Variants in IGF2R observed in about 807,000 individuals in gnomAD.
IGF2R encodes the protein insulin like growth factor 2 receptor, also known as cation-independent mannose-6-phosphate receptor.
Under a neutral mutation model 270.6 loss-of-function variants are expected in IGF2R, and 91 were observed. That is an observed-to-expected ratio of 0.34 (90% confidence interval 0.28 to 0.40). The LOEUF (loss-of-function observed/expected upper bound fraction) is 0.40, where lower values mean the gene tolerates loss of function less well. Ranked by LOEUF, IGF2R falls within the 10% of genes least tolerant of loss-of-function variation. IGF2R has a pLI of 1.00. For missense variants in IGF2R, 2,805 were observed against 3,188.3 expected, an observed-to-expected ratio of 0.88 and a Z score of 2.90; for synonymous variants, 1,316 against 1,258.9, an observed-to-expected ratio of 1.05 and a Z score of -0.96.
At chr6:160,054,584 T>C in intron 19 of IGF2R, among the ~76,000 whole-genome samples, 1 of 152,094 alleles carries the variant, frequency 6.6e-6, no homozygotes, top group East Asian at 1.9e-4. Context: ...GAAAGCCTAG[T>C]GGTTAACGAG....
chr6:160,088,104 G>A lies in IGF2R; in HGVS notation c.6277G>A (p.Glu2093Lys). The A allele has an allele frequency of 6.2e-7, 1 of 1,614,002 alleles. No individual in the cohort carries two copies. Among genetic ancestry groups the A allele is most frequent in the Non-Finnish European group, 8.5e-7 (1 of 1,179,836 alleles). The change falls in exon 42 of 48, where the codon GAA (glutamate) becomes AAA (lysine). Residue 2093 changes from glutamate (E) to lysine (K), a missense_variant. Coordinates refer to ENST00000356956, the MANE Select transcript of IGF2R (RefSeq NM_000876.4). Reference protein sequence around the residue: ...GGNKTASSVIELTCTKTVGRP... With the variant: ...GGNKTASSVIKLTCTKTVGRP... ...AAATAAGACCGCATCCTCCGTGATAGAATTGACCTGTACAAAGACGGTGGG... is the reference window on the plus strand; with the variant it reads ...AAATAAGACCGCATCCTCCGTGATAAAATTGACCTGTACAAAGACGGTGGG...
chr6:159,992,587 A>G (rs1328426979), intron 2 of IGF2R, among the ~76,000 whole-genome samples: 1 of 148,536 alleles, frequency 6.7e-6, no homozygotes, highest in African/African-American at 2.5e-5. Flanking sequence ...TGTCCATAGA[A>G]AAGAATGAAA....
At chr6:159,996,218 A>G (rs1784051439) in intron 2 of IGF2R, among the ~76,000 whole-genome samples, 1 of 152,060 alleles carries the variant, frequency 6.6e-6, no homozygotes, top group Non-Finnish European at 1.5e-5. Flanking sequence ...AGTTCTCAGG[A>G]AGTTATTTTG....
intron 19 of IGF2R, among the ~76,000 whole-genome samples, chr6:160,053,456 C>T (rs1270721381): frequency 6.6e-6 from 1 of 151,916 alleles, no homozygotes; most frequent in African/African-American, 2.4e-5. Context: ...TGAATTAAGG[C>T]TAGGAGGTAG....
chr6:160,063,562 G>A lies in IGF2R; in HGVS notation c.3818G>A (p.Ser1273Asn). 1 of 1,614,272 alleles carries A rather than the reference G, an allele frequency of 6.2e-7. No individual in the cohort carries two copies. The highest frequency in any genetic ancestry group is 8.5e-7 in the Non-Finnish European group (1 of 1,180,052). Reference sequence around the variant, plus strand: ...CTTTCCTCAGACGTCTGCCCCACAAGTGACAAGTCCAAGGTGGTCTCCTCA... The same window carrying A: ...CTTTCCTCAGACGTCTGCCCCACAAATGACAAGTCCAAGGTGGTCTCCTCA... ...GKLSSDVCPTSDKSKVVSSCQ... is the reference protein window; with the variant it reads ...GKLSSDVCPTNDKSKVVSSCQ... The change falls in exon 27 of 48, where the codon AGT (serine) becomes AAT (asparagine). Residue 1273 changes from serine to asparagine, a missense_variant. Transcript: ENST00000356956.
At chr6:160,059,194 C>A in intron 22 of IGF2R, 96 bp downstream of exon 22, 2 of 994,032 alleles carry the variant, frequency 2.0e-6, no homozygotes, top group East Asian at 2.4e-5. Context: ...TGCACATCCC[C>A]CGCCACCATG....
intron 19 of IGF2R, among the ~76,000 whole-genome samples, chr6:160,052,373 C>G (rs9457815): frequency 1.2e-4 from 18 of 152,244 alleles, no homozygotes; most frequent in Admixed American, 8.5e-4. Flanking sequence ...ATCCAACTTA[C>G]AAGGGATGTG....
chr6:160,040,642 T>C lies in IGF2R; in HGVS notation c.1398T>C (p.Cys466=), dbSNP rs987735614. 1.9e-6 allele frequency: 3 copies of C among 1,614,036 alleles called. No homozygotes were observed. The highest frequency in any genetic ancestry group is 2.7e-5 in the African/African-American group (2 of 74,908). ...TCACATGGGACACGGAATACGCCTG[T>C]GTTAAGGAGAAGGAAGACCTCCTCT... ...YFFTWDTEYA[C]VKEKEDLLCG... The change falls in exon 11 of 48, where the codon TGT becomes TGC. Residue 466 remains cysteine, a synonymous_variant. Transcript: ENST00000356956.
chr6:160,062,168 A>AT (rs34356477), intron 25 of IGF2R, among the ~76,000 whole-genome samples: 10,842 of 106,588 alleles, frequency 0.1, 594 homozygotes, highest in Non-Finnish European at 0.12. Context: ...CATTTATTTA[A>AT]TTTTTTTTTT....
At chr6:160,098,673 G>A (rs1350966865) in intron 45 of IGF2R, among the ~76,000 whole-genome samples, 1 of 152,120 alleles carries the variant, frequency 6.6e-6, no homozygotes, top group Non-Finnish European at 1.5e-5. Flanking sequence ...ACAAAAATTA[G>A]CCAGGTGTGG....
At position 160,009,569 on chromosome 6, in the gene IGF2R, G is replaced by A. The variant is rs8191731; in HGVS notation, c.414+435G>A. ...ATCTATTTAGGAGAAGCCTTGGCCCGTGGGTATGGGGTTCTCAAGTTTTTT... is the reference window on the plus strand; with the variant it reads ...ATCTATTTAGGAGAAGCCTTGGCCCATGGGTATGGGGTTCTCAAGTTTTTT... On this transcript the variant is annotated intron_variant, in intron 3 of 47. Transcript: ENST00000356956. 5.9e-3 allele frequency among the ~76,000 whole-genome samples: 905 copies of A among 152,264 alleles called. 9 individuals carry two copies. Among genetic ancestry groups the A allele is most frequent in the African/African-American group, 0.021 (862 of 41,536 alleles).
At chr6:160,061,363 A>T in intron 23 of IGF2R, 140 bp from the exon 24 acceptor site, 1 of 781,220 alleles carries the variant, frequency 1.3e-6, no homozygotes, top group Non-Finnish European at 2.1e-6. Flanking sequence ...AAAGCCTCTC[A>T]GCCTCCCGTG....
chr6:159,987,930 CA>C (rs963472663), intron 1 of IGF2R, among the ~76,000 whole-genome samples: 18 of 152,136 alleles, frequency 1.2e-4, no homozygotes, highest in African/African-American at 4.3e-4. Context: ...GTGGTTAAAT[CA>C]CCCCCCTGAA....
chr6:159,989,563 G>A (rs1356014350), intron 1 of IGF2R, among the ~76,000 whole-genome samples: 1 of 152,180 alleles, frequency 6.6e-6, no homozygotes, highest in African/African-American at 2.4e-5. Context: ...TAGCAATACT[G>A]TTGAGTTAAA....
chr6:160,026,199 C>G (rs1777558158), intron 5 of IGF2R, among the ~76,000 whole-genome samples: 1 of 152,210 alleles, frequency 6.6e-6, no homozygotes, highest in Non-Finnish European at 1.5e-5. Flanking sequence ...GGCAAGGAGC[C>G]TATGGCACAG....
In IGF2R at chr6:160,058,097, C is replaced by T. The variant is rs759201577; in HGVS notation, c.2871C>T (p.Asn957=). The part of the protein sequence containing the change: ...LNPLNSSQGY[N]VSGIGKIFMF... ...CGCTAAACAGTTCGCAAGGATATAA[C>T]GTCTCTGGCATTGGGAAGATTTTTA... Residue 957 remains asparagine (N), a synonymous_variant, in exon 21 of 48, where the codon AAC becomes AAT. Coordinates refer to ENST00000356956, the MANE Select transcript of IGF2R (RefSeq NM_000876.4). 1.1e-5 allele frequency: 17 copies of T among 1,611,804 alleles called. No individual in the cohort carries two copies. Among genetic ancestry groups the T allele is most frequent in the East Asian group, 2.2e-5 (1 of 44,888 alleles).
intron 1 of IGF2R, among the ~76,000 whole-genome samples, chr6:159,990,669 G>A (rs1455518196): frequency 1.3e-5 from 2 of 150,678 alleles, no homozygotes; most frequent in Non-Finnish European, 2.9e-5. Flanking sequence ...TCGCACTGTT[G>A]ACCGAGCTGG....
chr6:160,058,417 C>G (rs957453829), intron 21 of IGF2R, among the ~76,000 whole-genome samples: 24 of 152,162 alleles, frequency 1.6e-4, no homozygotes, highest in African/African-American at 5.6e-4. Flanking sequence ...GTCCATTGGT[C>G]TCTCCTTACT....
chr6:160,070,524 C>T (rs569500370), intron 31 of IGF2R, among the ~76,000 whole-genome samples: 4 of 152,218 alleles, frequency 2.6e-5, no homozygotes, highest in Admixed American at 6.5e-5. Context: ...TGCAGGGTTT[C>T]GAGAGAAGAG....
Sources: allele counts gnomAD v4.1 joint callset (sites outside exome capture counted in the v4.1 genomes callset), GRCh38; gene constraint gnomAD v4.1.1; transcripts MANE v1.5; gene names NCBI Gene and HGNC (gene_info 2026-07-23, HGNC 2026-07-21).